CEP63: variants seen among roughly 807,000 people sequenced by gnomAD.
CEP63 encodes centrosomal protein of 63 kDa.
Under a neutral mutation model 89.1 loss-of-function variants are expected in CEP63, and 84 were observed. The ratio of observed to expected loss-of-function variants is 0.94; its 90% confidence interval spans 0.79 to 1.13. The LOEUF is 1.13. CEP63 is among the 50% of genes most tolerant of loss of function. CEP63 has a pLI of 0.00. For missense variants in CEP63, 838 were observed against 813.3 expected, an observed-to-expected ratio of 1.03 and a Z score of -0.37; for synonymous variants, 267 against 272.5, an observed-to-expected ratio of 0.98 and a Z score of 0.20.
the CEP63 span, among the ~76,000 whole-genome samples, chr3:134,690,742 G>GTTTTTTTTTTTTTTTTT: frequency 1.2e-5 from 1 of 84,944 alleles, no homozygotes; most frequent in African/African-American, 5.8e-5. Flanking sequence ...GGAAGACCAA[G>GTTTTTTTTTTTTTTTTT]ATTTTTTTTT....
chr3:134,634,091 T>C, the CEP63 span, among the ~76,000 whole-genome samples: 1 of 152,118 alleles, frequency 6.6e-6, no homozygotes, highest in African/African-American at 2.4e-5. Context: ...AACTCCAAAA[T>C]ATGATTACAC....
chr3:134,666,690 C>T, the CEP63 span, among the ~76,000 whole-genome samples: 1 of 152,188 alleles, frequency 6.6e-6, no homozygotes. Flanking sequence ...TCAGTCCCAG[C>T]CACTCTGCAC....
the CEP63 span, among the ~76,000 whole-genome samples, chr3:134,593,226 T>G: frequency 6.6e-6 from 1 of 152,168 alleles, no homozygotes; most frequent in Non-Finnish European, 1.5e-5. Context: ...TTTGGATTCC[T>G]TAGGGAACAA....
chr3:134,609,579 G>T, the CEP63 span, among the ~76,000 whole-genome samples: 2 of 152,130 alleles, frequency 1.3e-5, no homozygotes, highest in Non-Finnish European at 2.9e-5. Context: ...GATCCATGAA[G>T]AATATTGTAT....
At chr3:134,685,868 C>T in the CEP63 span, among the ~76,000 whole-genome samples, 2 of 152,316 alleles carry the variant, frequency 1.3e-5, no homozygotes, top group East Asian at 3.9e-4. Flanking sequence ...GCTTCAGTGC[C>T]CTCCTGTATA....
chr3:134,650,750 C>G, the CEP63 span: 1 of 1,366,688 alleles, frequency 7.3e-7, no homozygotes, highest in Non-Finnish European at 9.7e-7. Flanking sequence ...ATGGGCGCCC[C>G]CCGGCGGGCA....
At chr3:134,725,289 G>T in the CEP63 span, among the ~76,000 whole-genome samples, 1 of 151,950 alleles carries the variant, frequency 6.6e-6, no homozygotes, top group Non-Finnish European at 1.5e-5. Flanking sequence ...CCTAATTTGG[G>T]ATACAATTTT....
chr3:134,544,141 C>A (rs1237381333), intron 6 of CEP63, among the ~76,000 whole-genome samples: 1 of 152,104 alleles, frequency 6.6e-6, no homozygotes, highest in African/African-American at 2.4e-5. Context: ...ATAATAAAAT[C>A]TTTAAATCTG....
At chr3:134,608,898 T>A in the CEP63 span, 1 of 1,547,552 alleles carries the variant, frequency 6.5e-7, no homozygotes, top group African/African-American at 1.4e-5. Flanking sequence ...AGGGGCCCAA[T>A]ACACCCACCG....
the CEP63 span, among the ~76,000 whole-genome samples, chr3:134,642,553 G>A: frequency 6.6e-6 from 1 of 152,054 alleles, no homozygotes; most frequent in East Asian, 1.9e-4. Context: ...TGATGCCCTT[G>A]CCTGCCTTCC....
chr3:134,678,815 G>T, the CEP63 span, among the ~76,000 whole-genome samples: 1 of 152,158 alleles, frequency 6.6e-6, no homozygotes, highest in Non-Finnish European at 1.5e-5. Context: ...TTCTGCTCAT[G>T]CACCCCCTCC....
At chr3:134,755,948 T>C in the CEP63 span, among the ~76,000 whole-genome samples, 3 of 152,106 alleles carry the variant, frequency 2.0e-5, no homozygotes, top group Non-Finnish European at 4.4e-5. Flanking sequence ...CTCACACGGG[T>C]CCACAGCATG....
chr3:134,604,245 C>T, the CEP63 span: 16 of 1,613,740 alleles, frequency 9.9e-6, no homozygotes, highest in Non-Finnish European at 1.4e-5. Flanking sequence ...GCTGGACACC[C>T]ATGTCCACAT....
downstream of CEP63, among the ~76,000 whole-genome samples, chr3:134,569,915 C>T (rs1229271158): frequency 6.6e-6 from 1 of 152,224 alleles, no homozygotes; most frequent in Non-Finnish European, 1.5e-5. Flanking sequence ...CAATTCTTGT[C>T]TTCTACACAC....
rs751130023 is a variant in CEP63 at position 134,559,168 on chromosome 3, C to T, written c.1692C>T (p.His564=). Reference sequence around the variant, plus strand: ...CATCCAGGCCAACCCATGGCCAGCACAGACATGATGGAATAAAGACTGAGC... The same window carrying T: ...CATCCAGGCCAACCCATGGCCAGCATAGACATGATGGAATAAAGACTGAGC... The part of the protein sequence containing the change: ...NTEFKPTHGQ[H]RHDGIKTEHY... The change falls in exon 14 of 15, where the codon CAC becomes CAT. Residue 564 remains histidine (H), a synonymous_variant. Transcript: ENST00000675561. The T allele has an allele frequency of 1.9e-5, 31 of 1,614,100 alleles. No individual in the cohort carries two copies. The highest frequency in any genetic ancestry group is 3.3e-4 in the Middle Eastern group (2 of 6,060).
At chr3:134,501,606 T>C (rs2108267462) in intron 2 of CEP63, among the ~76,000 whole-genome samples, 1 of 152,228 alleles carries the variant, frequency 6.6e-6, no homozygotes, top group East Asian at 1.9e-4. Flanking sequence ...AATGGGATTG[T>C]GTTCTTGATT....
chr3:134,600,023 A>G, the CEP63 span, among the ~76,000 whole-genome samples: 5 of 152,392 alleles, frequency 3.3e-5, no homozygotes, highest in Middle Eastern at 3.4e-3. Flanking sequence ...CAATGCACAC[A>G]TTATGAGAAG....
chr3:134,641,562 G>A, the CEP63 span, among the ~76,000 whole-genome samples: 7 of 152,124 alleles, frequency 4.6e-5, no homozygotes, highest in African/African-American at 7.2e-5. Flanking sequence ...TCTAAAAAAC[G>A]CTGGCCCGGC....
chr3:134,532,637 C>T, intron 4 of CEP63, 141 bp from the exon 5 acceptor site: 98 of 575,354 alleles, frequency 1.7e-4, no homozygotes, highest in South Asian at 5.9e-4. Context: ...TTTTAGTTTC[C>T]TTTTGTGTTT....
Sources: gnomAD v4.1 joint callset for allele counts (sites outside exome capture counted in the v4.1 genomes callset) on GRCh38, gnomAD v4.1.1 for gene constraint, MANE v1.5 for transcripts, NCBI Gene and HGNC (gene_info 2026-07-23, HGNC 2026-07-21) for gene names.